The following KAT14 variants were observed in gnomAD, a reference collection of about 807,000 sequenced individuals.
KAT14 encodes lysine acetyltransferase 14, also known as cysteine-rich protein 2-binding protein.
In KAT14, 66 loss-of-function variants were observed where a neutral mutation model predicts 78.4. The ratio of observed to expected loss-of-function variants is 0.84; its 90% CI spans 0.69 to 1.03. The LOEUF (loss-of-function observed/expected upper bound fraction) is 1.03, where lower values mean the gene tolerates loss of function less well. Ranked by LOEUF, KAT14 falls within the 50% of genes least tolerant of loss-of-function variation. The pLI is 0.00. For missense variants in KAT14, 870 were observed against 972.5 expected, an observed-to-expected ratio of 0.89 and a Z score of 1.40; for synonymous variants, 344 against 359.4, an observed-to-expected ratio of 0.96 and a Z score of 0.48.
chr20:18,145,308 A>G lies in KAT14; in HGVS notation c.335A>G (p.Asp112Gly), dbSNP rs1167744460. Residue 112 changes from aspartate to glycine, a missense_variant, in exon 3 of 11, where the codon GAT becomes GGT. Coordinates refer to ENST00000688188, the MANE Select transcript of KAT14 (RefSeq NM_001392073.1). ...TTTACTTGTTCGGATTGCTCAGCAG[A>G]TGGCAAGGAGCAGTATGAAAGGCTG... ...FRFTCSDCSA[D>G]GKEQYERLKL... 3.1e-6 allele frequency: 5 copies of G among 1,614,110 alleles called. No individual in the cohort carries two copies. The African/African-American group carries it at 6.7e-5, about 22-fold the overall frequency.
intron 9 of KAT14, 98 bp downstream of exon 9, chr20:18,183,396 TTA>T (rs2039336752): frequency 1.4e-6 from 2 of 1,414,854 alleles, no homozygotes; most frequent in African/African-American, 2.9e-5. Context: ...AGATTTTTAT[TTA>T]TGATTTCGTT....
chr20:18,146,625 C>G (rs1406487589), intron 3 of KAT14, among the ~76,000 whole-genome samples: 1 of 152,158 alleles, frequency 6.6e-6, no homozygotes, highest in Non-Finnish European at 1.5e-5. Context: ...CGCCACTGCA[C>G]TACAGCCTAG....
At chr20:18,145,124 G>A (rs2037775573) in intron 2 of KAT14, 109 bp from the exon 3 acceptor site, 13 of 1,445,742 alleles carry the variant, frequency 9.0e-6, no homozygotes, top group South Asian at 1.6e-5. Context: ...GTTGGCTGAA[G>A]AAAAGAAGAC....
chr20:18,156,747 C>T (rs544775012), intron 4 of KAT14, among the ~76,000 whole-genome samples: 1 of 152,304 alleles, frequency 6.6e-6, no homozygotes, highest in Admixed American at 6.5e-5. Flanking sequence ...CCTGTGTCTT[C>T]ATGCATCTTC....
intron 7 of KAT14, among the ~76,000 whole-genome samples, chr20:18,163,668 CTCTCT>C (rs2038530484): frequency 6.6e-6 from 1 of 152,132 alleles, no homozygotes; most frequent in Admixed American, 6.5e-5. Context: ...GCATGTTTTT[CTCTCT>C]TCTCTGGAAG....
At chr20:18,174,143 T>C (rs1245997682) in intron 7 of KAT14, among the ~76,000 whole-genome samples, 2 of 152,246 alleles carry the variant, frequency 1.3e-5, no homozygotes, top group Non-Finnish European at 2.9e-5. Context: ...TATTGTAACA[T>C]ATATTAGTAT....
At chr20:18,183,620 C>T (rs1039715527) in intron 9 of KAT14, 3 of 798,162 alleles carry the variant, frequency 3.8e-6, no homozygotes, top group African/African-American at 1.9e-5. Flanking sequence ...GTAGCTTGGG[C>T]GTGTTTGGAC....
chr20:18,157,753 A>G (rs6132035), intron 4 of KAT14, among the ~76,000 whole-genome samples: 13,486 of 152,236 alleles, frequency 0.089, 771 homozygotes, highest in East Asian at 0.25. Flanking sequence ...AGTGTCCTCA[A>G]GGGTTATCCA....
intron 7 of KAT14, among the ~76,000 whole-genome samples, chr20:18,169,245 CATATT>C (rs1030499363): frequency 2.0e-5 from 3 of 152,284 alleles, no homozygotes; most frequent in East Asian, 1.9e-4. Flanking sequence ...ACATATTAAA[CATATT>C]ATAGGCATAT....
chr20:18,142,737 G>T lies in KAT14; in HGVS notation c.77G>T (p.Gly26Val). 6.2e-7 allele frequency: 1 copy of T among 1,614,226 alleles called. No individual in the cohort carries two copies. Among genetic ancestry groups the T allele is most frequent in the Non-Finnish European group, 8.5e-7 (1 of 1,180,040 alleles). ...DEATRTSTSE[G>V]LEEGEVEGET... ...GCCACGAGAACATCGACCTCAGAAG[G>T]ACTGGAGGAAGGTGAAGTGGAGGGA... Residue 26 changes from glycine (G) to valine (V), a missense_variant, in exon 2 of 11, where the codon GGA becomes GTA. Gly to Val is a moderately radical substitution (Grantham distance 109). Coordinates refer to ENST00000688188, the MANE Select transcript of KAT14 (RefSeq NM_001392073.1).
At chr20:18,157,396 A>AT (rs201481042) in intron 4 of KAT14, among the ~76,000 whole-genome samples, 2,105 of 151,958 alleles carry the variant, frequency 0.014, 21 homozygotes, top group South Asian at 0.03. Context: ...TTTTATTTTT[A>AT]TTTTTTTGTA....
intron 7 of KAT14, among the ~76,000 whole-genome samples, chr20:18,166,234 G>T (rs1236542368): frequency 6.6e-6 from 1 of 152,184 alleles, no homozygotes; most frequent in Non-Finnish European, 1.5e-5. Context: ...ACGCACTTGG[G>T]TCGTCCTTAC....
chr20:18,137,291 AATT>A (rs74179174), upstream of KAT14, among the ~76,000 whole-genome samples: 18 of 122,478 alleles, frequency 1.5e-4, no homozygotes, highest in Non-Finnish European at 2.3e-4. Flanking sequence ...TCTGTATCAA[AATT>A]ATAATAATAA....
chr20:18,155,071 G>A (rs986127641), intron 4 of KAT14, among the ~76,000 whole-genome samples: 1 of 152,136 alleles, frequency 6.6e-6, no homozygotes, highest in Admixed American at 6.5e-5. Context: ...TTTTCGTAGG[G>A]ACAGGGTTTC....
chr20:18,150,691 G>A (rs546884543), intron 3 of KAT14, 130 bp from the exon 4 acceptor site: 56 of 1,422,396 alleles, frequency 3.9e-5, no homozygotes, highest in African/African-American at 1.0e-4. Context: ...CCAAGATACC[G>A]TCCGTCCTTT....
chr20:18,159,002 C>A, intron 4 of KAT14, 82 bp from the exon 5 acceptor site: 2 of 1,460,418 alleles, frequency 1.4e-6, no homozygotes. Context: ...TGTTGCAGGC[C>A]AGGAGTCACA....
rs373931104 is a variant in KAT14, at chr20:18,162,357, C to G, written c.1100-20C>G. The G allele has an allele frequency of 1.4e-5, 23 of 1,603,450 alleles. No individual in the cohort carries two copies. Among genetic ancestry groups the G allele is most frequent in the Non-Finnish European group, 1.9e-5 (22 of 1,174,824 alleles). ...TCTTCCTTCCTATGTCTTGATGACACTGTTTTGTACTCTGCACAGATGACG... is the reference window on the plus strand; with the variant it reads ...TCTTCCTTCCTATGTCTTGATGACAGTGTTTTGTACTCTGCACAGATGACG... On this transcript the variant is annotated intron_variant, in intron 6 of 10. Transcript: ENST00000688188.
chr20:18,179,171 G>A (rs948083416), intron 7 of KAT14, among the ~76,000 whole-genome samples: 1 of 152,192 alleles, frequency 6.6e-6, no homozygotes, highest in Non-Finnish European at 1.5e-5. Context: ...GCAGGGTATA[G>A]CCCCCCTCCT....
Position 18,145,245 on chromosome 20 carries a change from A to G in KAT14, c.272A>G (p.Glu91Gly). Residue 91 changes from glutamate (E) to glycine (G), a missense_variant, in exon 3 of 11, where the codon GAA becomes GGA. Transcript: ENST00000688188. Reference sequence around the variant, plus strand: ...GTTTTTCTCCTAGGTCAGCTGAGGGAACAGCTCAGTTACCTTAAGGGTGAT... The same window carrying G: ...GTTTTTCTCCTAGGTCAGCTGAGGGGACAGCTCAGTTACCTTAAGGGTGAT... ...QKWIPASQLR[E>G]QLSYLKGDNF... is the part of the protein sequence containing the mutation. 1 of 1,614,110 alleles carries G rather than the reference A, an allele frequency of 6.2e-7. No individual in the cohort carries two copies. The highest frequency in any genetic ancestry group is 1.7e-5 in the Admixed American group (1 of 60,012).
Sources: gnomAD v4.1 joint callset for allele counts (sites outside exome capture counted in the v4.1 genomes callset) on GRCh38, gnomAD v4.1.1 for gene constraint, MANE v1.5 for transcripts, NCBI Gene and HGNC (gene_info 2026-07-23, HGNC 2026-07-21) for gene names.